The following SHC4 variants were observed in gnomAD, a reference collection of about 807,000 sequenced individuals.
The protein encoded by SHC4 is SHC adaptor protein 4.
A neutral mutation model predicts 69.4 loss-of-function variants in SHC4; 41 were observed. That is an observed-to-expected ratio of 0.59 (90% CI 0.46 to 0.77). The LOEUF is 0.77. SHC4 is among the 30% of genes least tolerant of loss of function. The pLI is 0.00. For missense variants in SHC4, 777 were observed against 783.8 expected (o/e 0.99, Z 0.10); for synonymous variants, 318 against 299.3 (o/e 1.06, Z -0.64).
rs762123040 is a variant in SHC4 at position 48,962,714 on chromosome 15, A to G, written c.302T>C (p.Leu101Ser). The G allele has an allele frequency of 5.6e-6, 9 of 1,614,060 alleles. No individual in the cohort carries two copies. Among genetic ancestry groups the G allele is most frequent in the East Asian group, 2.2e-5 (1 of 44,868 alleles). The change falls in exon 1 of 12, where the codon TTG becomes TCG. Residue 101 changes from leucine to serine, a missense_variant. Coordinates refer to ENST00000332408, the MANE Select transcript of SHC4 (RefSeq NM_203349.4). Reference sequence around the variant, plus strand: ...CAGGCAAAAGTTTTTCAGACTCAGCAAAGTGGCCGGGTTGGCCAGCTTCAT... The same window carrying G: ...CAGGCAAAAGTTTTTCAGACTCAGCGAAGTGGCCGGGTTGGCCAGCTTCAT... ...ASMKLANPATLLSLKNFCLGT... is the reference protein window; with the variant it reads ...ASMKLANPATSLSLKNFCLGT...
At chr15:48,891,606 C>G (rs899297047) in intron 2 of SHC4, among the ~76,000 whole-genome samples, 2 of 152,136 alleles carry the variant, frequency 1.3e-5, no homozygotes, top group Non-Finnish European at 1.5e-5. Context: ...AGCCTTGTGG[C>G]TTTGAACACA....
chr15:48,959,671 T>C (rs996186781), intron 1 of SHC4, among the ~76,000 whole-genome samples: 1 of 152,374 alleles, frequency 6.6e-6, no homozygotes, highest in Non-Finnish European at 1.5e-5. Flanking sequence ...AGGTTTGATT[T>C]AAAATTTTTT....
At chr15:48,936,378 T>C (rs1056579235) in intron 1 of SHC4, among the ~76,000 whole-genome samples, 1 of 152,148 alleles carries the variant, frequency 6.6e-6, no homozygotes, top group African/African-American at 2.4e-5. Context: ...TTCTCCAGGG[T>C]TCCTGCCCAA....
chr15:48,921,384 G>A (rs1900750932), intron 2 of SHC4, among the ~76,000 whole-genome samples: 1 of 151,458 alleles, frequency 6.6e-6, no homozygotes, highest in African/African-American at 2.4e-5. Flanking sequence ...GCCCAGTCTG[G>A]AGTGCAATGG....
rs141698106 is a variant in SHC4 at position 48,945,883 on chromosome 15, G to C, written c.585+16548C>G. 9.9e-5 allele frequency: 15 copies of C among 152,126 alleles called. No individual in the cohort carries two copies. The East Asian group carries it at 2.9e-3, about 29-fold the overall frequency. 9.4% of individuals were successfully genotyped at this position (152,126 alleles called of 1,614,324 possible). A position where few individuals can be genotyped will look rare whatever the true frequency, so the allele number is the denominator to read the frequency against. On this transcript the variant is annotated intron_variant, in intron 1 of 11. Coordinates refer to ENST00000332408, the MANE Select transcript of SHC4 (RefSeq NM_203349.4). The stretch of plus-strand genomic sequence containing the variant: ...ATGTGAATTATAGCTCAATAAAACT[G>C]TTATAAAAATAAACCATAGATCTAG...
At chr15:48,951,146 C>A in intron 1 of SHC4, among the ~76,000 whole-genome samples, 1 of 152,062 alleles carries the variant, frequency 6.6e-6, no homozygotes, top group Admixed American at 6.5e-5. Context: ...TCTCCCCAGT[C>A]CTAACTATTC....
At chr15:48,929,224 T>A (rs1046407422) in intron 1 of SHC4, among the ~76,000 whole-genome samples, 1 of 152,200 alleles carries the variant, frequency 6.6e-6, no homozygotes, top group Non-Finnish European at 1.5e-5. Context: ...GATGACTGCA[T>A]AAGCAGATAG....
intron 10 of SHC4, 46 bp from the exon 11 acceptor site, chr15:48,835,068 T>C: frequency 6.4e-7 from 1 of 1,553,418 alleles, no homozygotes; most frequent in Non-Finnish European, 8.7e-7. Context: ...TACCTCTTCA[T>C]CCATCCATTC....
Position 48,872,144 on chromosome 15 carries a change from T to A in SHC4, c.841-2A>T. On this transcript the variant is annotated splice_acceptor_variant, in intron 4 of 11. Coordinates refer to ENST00000332408, the MANE Select transcript of SHC4 (RefSeq NM_203349.4). LOFTEE classifies it high-confidence loss of function. ...CTGCATATGATGATTTGCAATAATC[T>A]GAAAAACATAAACATGTATACTAAT... 1 of 1,557,404 alleles carries A rather than the reference T, an allele frequency of 6.4e-7. No individual in the cohort carries two copies. Among genetic ancestry groups the A allele is most frequent in the Non-Finnish European group, 8.8e-7 (1 of 1,134,676 alleles).
chr15:48,918,886 A>T (rs1421499325), intron 2 of SHC4, among the ~76,000 whole-genome samples: 1 of 152,006 alleles, frequency 6.6e-6, no homozygotes, highest in Non-Finnish European at 1.5e-5. Context: ...TTTTAAATTT[A>T]CCCTTCTTTG....
intron 10 of SHC4, among the ~76,000 whole-genome samples, chr15:48,835,360 G>C (rs1898880291): frequency 6.6e-6 from 1 of 152,138 alleles, no homozygotes; most frequent in Non-Finnish European, 1.5e-5. Context: ...GCATGTTAAA[G>C]AGAAAAAGGC....
In SHC4 at chr15:48,843,425, G is replaced by A; in HGVS notation, c.1467C>T (p.Ser489=). The change falls in exon 10 of 12, where the codon AGC becomes AGT. Residue 489 remains serine, a synonymous_variant. Transcript: ENST00000332408. The part of the protein sequence containing the change: ...GNQRSAQPLG[S]PWHCGKAPET... ...GCTACTTACTTCCGCAGTGCCATGG[G>A]CTCCCCAGTGGTTGGGCTGACCTTT... The A allele has an allele frequency of 1.2e-6, 2 of 1,612,624 alleles. No individual in the cohort carries two copies. The highest frequency in any genetic ancestry group is 8.5e-7 in the Non-Finnish European group (1 of 1,178,998).
intron 6 of SHC4, among the ~76,000 whole-genome samples, chr15:48,866,438 G>C (rs537893998): frequency 7.0e-4 from 107 of 152,268 alleles, no homozygotes; most frequent in Non-Finnish European, 1.2e-3. Flanking sequence ...CTACGTGCCA[G>C]GCTCTGTGCC....
chr15:48,828,903 A>G lies in SHC4; in HGVS notation c.1738-2777T>C, dbSNP rs1406526594. 2.0e-5 allele frequency among the ~76,000 whole-genome samples: 3 copies of G among 152,208 alleles called. No homozygotes were observed. In the East Asian group the frequency reaches 5.8e-4, roughly 29 times the overall value. On this transcript the variant is annotated intron_variant, in intron 11 of 11. Coordinates refer to ENST00000332408, the MANE Select transcript of SHC4 (RefSeq NM_203349.4). ...ATAGAGTTGTAGGCGTTCCTTATAT[A>G]TTTTGGATATTAACTCCTTATCAGA... is the stretch of plus-strand genomic sequence containing the variant.
intron 1 of SHC4, among the ~76,000 whole-genome samples, chr15:48,930,950 T>G (rs2141027998): frequency 6.6e-6 from 1 of 152,342 alleles, no homozygotes; most frequent in South Asian, 2.1e-4. Flanking sequence ...CTAGTGAAAC[T>G]GCCTGAGCAA....
intron 2 of SHC4, 46 bp downstream of exon 2, chr15:48,924,833 C>G (rs1474178512): frequency 1.9e-6 from 3 of 1,590,666 alleles, no homozygotes; most frequent in Non-Finnish European, 2.6e-6. Flanking sequence ...ATTATTGTGA[C>G]TTTAAACCAT....
At chr15:48,852,907 A>AT (rs1274831133) in intron 8 of SHC4, among the ~76,000 whole-genome samples, 15 of 128,356 alleles carry the variant, frequency 1.2e-4, no homozygotes, top group East Asian at 4.3e-4. Context: ...GTCTCAAAAA[A>AT]ATATATAAAA....
intron 6 of SHC4, among the ~76,000 whole-genome samples, chr15:48,862,445 C>G (rs887956499): frequency 6.6e-6 from 1 of 152,098 alleles, no homozygotes; most frequent in South Asian, 2.1e-4. Flanking sequence ...ATAAAAAAGG[C>G]CTTTGATAAA....
chr15:48,907,064 A>T (rs1445149352), intron 2 of SHC4, among the ~76,000 whole-genome samples: 3 of 152,164 alleles, frequency 2.0e-5, no homozygotes, highest in African/African-American at 7.2e-5. Flanking sequence ...TGCCTTTTTT[A>T]AAAGTTTATT....
Sources: gnomAD v4.1 joint callset for allele counts (sites outside exome capture counted in the v4.1 genomes callset) on GRCh38, gnomAD v4.1.1 for gene constraint, MANE v1.5 for transcripts, NCBI Gene and HGNC (gene_info 2026-07-23, HGNC 2026-07-21) for gene names.